Variants in LAMA2 observed in about 807,000 individuals in gnomAD.
The protein encoded by LAMA2 is laminin subunit alpha-2.
In LAMA2, 269 loss-of-function variants were observed where a neutral mutation model predicts 364.8. That is an observed-to-expected ratio of 0.74 (90% CI 0.67 to 0.82). LAMA2 has a LOEUF of 0.82. Ranked by LOEUF, LAMA2 falls within the 40% of genes least tolerant of loss-of-function variation. LAMA2 has a pLI of 0.00. For missense variants in LAMA2, 3,807 were observed against 3,873.2 expected, an observed-to-expected ratio of 0.98 and a Z score of 0.45; for synonymous variants, 1,379 against 1,370.6, an observed-to-expected ratio of 1.01 and a Z score of -0.14.
intron 4 of LAMA2, among the ~76,000 whole-genome samples, chr6:129,141,356 G>A (rs1008770186): frequency 6.6e-6 from 1 of 151,974 alleles, no homozygotes; most frequent in Admixed American, 6.6e-5. Flanking sequence ...TGCGGATCTT[G>A]AGGAATATAC....
intron 4 of LAMA2, among the ~76,000 whole-genome samples, chr6:129,104,286 A>G (rs1775696989): frequency 6.6e-6 from 1 of 152,314 alleles, no homozygotes; most frequent in African/African-American, 2.4e-5. Flanking sequence ...GATTACAGAC[A>G]TGAACCACCA....
intron 2 of LAMA2, among the ~76,000 whole-genome samples, chr6:129,053,405 T>C (rs1343431596): frequency 6.6e-6 from 1 of 152,068 alleles, no homozygotes; most frequent in Non-Finnish European, 1.5e-5. Flanking sequence ...TTATGGTATG[T>C]GTGTAGGAGT....
chr6:128,883,409 C>G lies in LAMA2; in HGVS notation c.112+52C>G, dbSNP rs1200540935. ...GCATCCTTTGCCGGGACCGAGATTCCTCACTTCTTCCACTCTTCCGAGAGT... is the reference window on the plus strand; with the variant it reads ...GCATCCTTTGCCGGGACCGAGATTCGTCACTTCTTCCACTCTTCCGAGAGT... On this transcript the variant is annotated intron_variant, in intron 1 of 64. Coordinates refer to ENST00000421865, the MANE Select transcript of LAMA2 (RefSeq NM_000426.4). 5 of 1,547,724 alleles carry G rather than the reference C, an allele frequency of 3.2e-6. No homozygotes were observed. The African/African-American group carries it at 5.5e-5, about 17-fold the overall frequency.
At chr6:128,965,090 T>C (rs927576105) in intron 1 of LAMA2, among the ~76,000 whole-genome samples, 1 of 151,968 alleles carries the variant, frequency 6.6e-6, no homozygotes, top group African/African-American at 2.4e-5. Flanking sequence ...GCAACTGCAG[T>C]GAATGGTGTG....
At chr6:129,059,690 G>A in intron 2 of LAMA2, 94 bp from the exon 3 acceptor site, 1 of 758,904 alleles carries the variant, frequency 1.3e-6, no homozygotes. Flanking sequence ...CATGATGGTT[G>A]TTTTAACCAT....
intron 40 of LAMA2, among the ~76,000 whole-genome samples, chr6:129,414,874 A>G (rs552773292): frequency 6.6e-6 from 1 of 152,250 alleles, no homozygotes; most frequent in African/African-American, 2.4e-5. Flanking sequence ...CTTTTACTAC[A>G]TCTCTTAGTA....
intron 61 of LAMA2, among the ~76,000 whole-genome samples, chr6:129,507,226 G>T (rs1786161630): frequency 6.6e-6 from 1 of 152,022 alleles, no homozygotes; most frequent in Admixed American, 6.6e-5. Flanking sequence ...AACCAATGGA[G>T]ACATAGTGTG....
intron 43 of LAMA2, 115 bp downstream of exon 43, chr6:129,441,113 C>A: frequency 1.1e-6 from 1 of 907,942 alleles, no homozygotes; most frequent in Non-Finnish European, 1.8e-6. Context: ...AGTCTGCCTT[C>A]CTTCTTTCAT....
chr6:129,152,744 T>C (rs1431457680), intron 7 of LAMA2, among the ~76,000 whole-genome samples: 1 of 152,124 alleles, frequency 6.6e-6, no homozygotes, highest in Non-Finnish European at 1.5e-5. Flanking sequence ...CCAGTATGTG[T>C]GTGGTGTTAT....
chr6:129,166,719 G>C (rs1446438269), intron 9 of LAMA2, among the ~76,000 whole-genome samples: 1 of 152,030 alleles, frequency 6.6e-6, no homozygotes, highest in East Asian at 1.9e-4. Flanking sequence ...TGGAAAAGTA[G>C]AAAAATAAAT....
At chr6:129,087,476 C>T (rs1774451146) in intron 3 of LAMA2, among the ~76,000 whole-genome samples, 1 of 152,208 alleles carries the variant, frequency 6.6e-6, no homozygotes, top group African/African-American at 2.4e-5. Flanking sequence ...CTCCTTCTAT[C>T]TTCATTCTCT....
chr6:129,141,389 A>T (rs778815175), intron 4 of LAMA2, among the ~76,000 whole-genome samples: 1 of 152,090 alleles, frequency 6.6e-6, no homozygotes, highest in Non-Finnish European at 1.5e-5. Context: ...ACTCTTTTAG[A>T]ATCCCTGCAT....
chr6:129,225,098 A>T (rs928370793), intron 12 of LAMA2, among the ~76,000 whole-genome samples: 1 of 152,172 alleles, frequency 6.6e-6, no homozygotes, highest in South Asian at 2.1e-4. Flanking sequence ...CCATTTCTTC[A>T]AGATTTTCTA....
intron 10 of LAMA2, among the ~76,000 whole-genome samples, chr6:129,183,092 C>G (rs979846243): frequency 1.6e-4 from 24 of 152,000 alleles, no homozygotes; most frequent in African/African-American, 5.8e-4. Flanking sequence ...AGTGCTAGCT[C>G]AAGACACTCA....
intron 56 of LAMA2, 114 bp from the exon 57 acceptor site, chr6:129,491,787 G>T: frequency 2.5e-6 from 2 of 815,164 alleles, no homozygotes; most frequent in Non-Finnish European, 4.1e-6. Flanking sequence ...ATCCAATTTT[G>T]GCTCCCTTAA....
At chr6:129,072,751 A>T (rs7750128) in intron 3 of LAMA2, among the ~76,000 whole-genome samples, 23,486 of 151,940 alleles carry the variant, frequency 0.15, 2,068 homozygotes, top group African/African-American at 0.23. Context: ...ATTACCATAA[A>T]TATGGTAACT....
chr6:129,476,974 C>T (rs1784096931), intron 53 of LAMA2, among the ~76,000 whole-genome samples: 1 of 151,984 alleles, frequency 6.6e-6, no homozygotes, highest in Non-Finnish European at 1.5e-5. Flanking sequence ...CCTGTTTTTC[C>T]TCATGCCATG....
intron 1 of LAMA2, chr6:128,905,416 G>C (rs1777376751): frequency 1.3e-5 from 2 of 151,876 alleles, no homozygotes; most frequent in South Asian, 4.2e-4. Context: ...TACCAATTCT[G>C]TGTCAGGCAT....
At chr6:129,440,441 AC>A (rs1228760633) in intron 42 of LAMA2, among the ~76,000 whole-genome samples, 1 of 151,500 alleles carries the variant, frequency 6.6e-6, no homozygotes, top group African/African-American at 2.4e-5. Context: ...TCCAACCCCC[AC>A]CCCAACCCCT....
Sources: gnomAD v4.1 joint callset for allele counts (sites outside exome capture counted in the v4.1 genomes callset) on GRCh38, gnomAD v4.1.1 for gene constraint, MANE v1.5 for transcripts, NCBI Gene and HGNC (gene_info 2026-07-23, HGNC 2026-07-21) for gene names.